EBF1: variants seen among roughly 807,000 people sequenced by gnomAD.
The protein encoded by EBF1 is transcription factor COE1.
Under a neutral mutation model 68.4 loss-of-function variants are expected in EBF1, and 10 were observed. That is an observed-to-expected ratio of 0.15 (90% CI 0.09 to 0.25). The LOEUF is 0.25. Among genes scored for constraint, EBF1 ranks in the 10% least tolerant of loss-of-function variants. The pLI is 1.00. For synonymous variants in EBF1, 298 were observed against 299.8 expected (o/e 0.99, Z 0.06); for missense variants, 509 against 794.4 (o/e 0.64, Z 4.32).
At chr5:158,945,656 C>A (rs187816675) in intron 6 of EBF1, among the ~76,000 whole-genome samples, 3 of 152,238 alleles carry the variant, frequency 2.0e-5, no homozygotes, top group Admixed American at 2.0e-4. Context: ...TGTCTTGGGG[C>A]TGCTCTTCTC....
intron 6 of EBF1, among the ~76,000 whole-genome samples, chr5:158,852,641 C>G (rs1344171927): frequency 6.6e-6 from 1 of 152,134 alleles, no homozygotes; most frequent in African/African-American, 2.4e-5. Context: ...ATCCAATAAG[C>G]CTGTGTGTTC....
chr5:158,929,927 ATT>A (rs1001437711), intron 6 of EBF1, among the ~76,000 whole-genome samples: 1 of 152,194 alleles, frequency 6.6e-6, no homozygotes, highest in Non-Finnish European at 1.5e-5. Context: ...TGTTTGTTCA[ATT>A]CCCTCTGTGT....
chr5:159,086,952 A>G (rs944758959), intron 4 of EBF1, among the ~76,000 whole-genome samples: 1 of 152,114 alleles, frequency 6.6e-6, no homozygotes, highest in Non-Finnish European at 1.5e-5. Flanking sequence ...TTGAAAACCA[A>G]AAATTACATC....
chr5:158,928,131 A>C (rs773013446), intron 6 of EBF1, among the ~76,000 whole-genome samples: 7 of 152,204 alleles, frequency 4.6e-5, no homozygotes, highest in Non-Finnish European at 1.0e-4. Context: ...TGTCAGATAC[A>C]TAAGGGTTCA....
At chr5:158,958,921 A>T (rs998603941) in intron 6 of EBF1, among the ~76,000 whole-genome samples, 1 of 152,228 alleles carries the variant, frequency 6.6e-6, no homozygotes, top group Non-Finnish European at 1.5e-5. Context: ...TATTTTGGAT[A>T]TCAGGAATAT....
intron 7 of EBF1, among the ~76,000 whole-genome samples, chr5:158,829,052 T>A (rs774464410): frequency 5.9e-5 from 9 of 152,032 alleles, no homozygotes; most frequent in Non-Finnish European, 8.8e-5. Flanking sequence ...GAGGAATGGG[T>A]GAAGGATAGG....
intron 6 of EBF1, among the ~76,000 whole-genome samples, chr5:158,922,940 C>G (rs1408613239): frequency 6.6e-6 from 1 of 152,174 alleles, no homozygotes; most frequent in Non-Finnish European, 1.5e-5. Flanking sequence ...ATTCAAGTGG[C>G]CACTTGTATC....
chr5:158,744,198 T>C (rs2127577050), intron 10 of EBF1, among the ~76,000 whole-genome samples: 1 of 151,470 alleles, frequency 6.6e-6, no homozygotes, highest in Non-Finnish European at 1.5e-5. Flanking sequence ...ATGGAGTTAA[T>C]TCTATCAGGA....
chr5:158,917,988 T>C (rs918408353), intron 6 of EBF1, among the ~76,000 whole-genome samples: 1 of 152,278 alleles, frequency 6.6e-6, no homozygotes, highest in South Asian at 2.1e-4. Context: ...CTAGGAACAC[T>C]GCCCAGAACA....
chr5:159,076,799 A>AAT (rs1011478303), intron 5 of EBF1, among the ~76,000 whole-genome samples: 5 of 152,124 alleles, frequency 3.3e-5, no homozygotes, highest in African/African-American at 9.7e-5. Context: ...GATTCTGTTA[A>AAT]ATATATATAT....
At chr5:158,830,851 A>G (rs568753366) in intron 7 of EBF1, among the ~76,000 whole-genome samples, 1 of 152,334 alleles carries the variant, frequency 6.6e-6, no homozygotes, top group South Asian at 2.1e-4. Flanking sequence ...AACCTACAGG[A>G]TGTCATGGAG....
intron 10 of EBF1, among the ~76,000 whole-genome samples, chr5:158,746,658 T>TATATA (rs1415125898): frequency 9.9e-5 from 15 of 152,146 alleles, no homozygotes; most frequent in Non-Finnish European, 1.6e-4. Context: ...AAAAAAAAAG[T>TATATA]GACCTTCCTT....
chr5:158,702,125 G>A (rs1330292605), intron 15 of EBF1, among the ~76,000 whole-genome samples: 1 of 152,164 alleles, frequency 6.6e-6, no homozygotes, highest in Non-Finnish European at 1.5e-5. Flanking sequence ...AGTAAATTAT[G>A]GGAAAAGATC....
intron 10 of EBF1, among the ~76,000 whole-genome samples, chr5:158,739,768 CAA>C (rs1262776323): frequency 3.3e-5 from 5 of 152,112 alleles, no homozygotes; most frequent in Non-Finnish European, 7.4e-5. Flanking sequence ...GATTTCTTCC[CAA>C]AGAGTTTTGA....
chr5:158,907,771 C>G (rs1014739727), intron 6 of EBF1, among the ~76,000 whole-genome samples: 3 of 150,608 alleles, frequency 2.0e-5, no homozygotes, highest in Non-Finnish European at 4.4e-5. Context: ...AAAAAAAAAA[C>G]AAATGCTCAA....
intron 10 of EBF1, among the ~76,000 whole-genome samples, chr5:158,767,787 G>A (rs1463875660): frequency 6.6e-6 from 1 of 152,120 alleles, no homozygotes; most frequent in African/African-American, 2.4e-5. Context: ...AGAAGAGCAG[G>A]GAGAGAAAGG....
At chr5:158,959,332 C>A (rs1296064972) in intron 6 of EBF1, among the ~76,000 whole-genome samples, 1 of 149,042 alleles carries the variant, frequency 6.7e-6, no homozygotes, top group Non-Finnish European at 1.5e-5. Flanking sequence ...TACTCTGTCA[C>A]CCTAGTTGGA....
Position 158,737,712 on chromosome 5 carries a change from T to C in EBF1, c.1037-6555A>G, listed in dbSNP as rs78303033. Among the ~76,000 whole-genome samples, 764 of 152,146 alleles carry C rather than the reference T, an allele frequency of 5.0e-3. 20 individuals carry two copies. In the East Asian group the frequency reaches 0.074, roughly 15 times the overall value. ...AATCAGAGGTATTAGGTGCCTTGAGTGGTTACGTCCTTTTTACAAAGAGTG... is the reference window on the plus strand; with the variant it reads ...AATCAGAGGTATTAGGTGCCTTGAGCGGTTACGTCCTTTTTACAAAGAGTG... On this transcript the variant is annotated intron_variant, in intron 10 of 15. Transcript: ENST00000313708.
At chr5:158,870,980 A>G (rs1367914718) in intron 6 of EBF1, among the ~76,000 whole-genome samples, 1 of 152,228 alleles carries the variant, frequency 6.6e-6, no homozygotes, top group Non-Finnish European at 1.5e-5. Context: ...AAAAGTCTAT[A>G]GGACAGACTG....
Sources: gnomAD v4.1 joint callset for allele counts (sites outside exome capture counted in the v4.1 genomes callset) on GRCh38, gnomAD v4.1.1 for gene constraint, MANE v1.5 for transcripts, NCBI Gene and HGNC (gene_info 2026-07-23, HGNC 2026-07-21) for gene names.